CDKL3: variants seen among roughly 807,000 people sequenced by gnomAD.
The protein encoded by CDKL3 is cyclin dependent kinase like 3, also known as cyclin-dependent kinase-like 3.
A neutral mutation model predicts 69.3 loss-of-function variants in CDKL3; 65 were observed. The observed-to-expected ratio is 0.94, with a 90% CI of 0.77 to 1.15. The LOEUF (loss-of-function observed/expected upper bound fraction) is 1.15. CDKL3 is among the 50% of genes most tolerant of loss of function. CDKL3 has a pLI of 0.00. For missense variants in CDKL3, 652 were observed against 689.2 expected (o/e 0.95, Z 0.61); for synonymous variants, 202 against 221.6 (o/e 0.91, Z 0.79).
intron 3 of CDKL3, among the ~76,000 whole-genome samples, chr5:134,355,982 G>A (rs561010193): frequency 6.6e-6 from 1 of 152,188 alleles, no homozygotes; most frequent in African/African-American, 2.4e-5. Flanking sequence ...GACCAGGCTG[G>A]GGGATGGTTT....
intron 8 of CDKL3, among the ~76,000 whole-genome samples, chr5:134,290,511 T>C: frequency 6.6e-6 from 1 of 151,940 alleles, no homozygotes; most frequent in East Asian, 1.9e-4. Context: ...CTGCAGGAAT[T>C]GCAAAGGGGC....
intron 4 of CDKL3, among the ~76,000 whole-genome samples, chr5:134,327,260 T>A (rs1340405246): frequency 6.6e-6 from 1 of 152,138 alleles, no homozygotes; most frequent in Non-Finnish European, 1.5e-5. Flanking sequence ...TGCACTTGCC[T>A]CACCCATAAG....
chr5:134,312,422 G>A (rs1769812270), intron 6 of CDKL3, 42 bp from the exon 7 acceptor site: 4 of 974,630 alleles, frequency 4.1e-6, no homozygotes, highest in South Asian at 1.6e-5. Flanking sequence ...CTCTCAACAG[G>A]GCTCCATATG....
rs537068333 is a variant in CDKL3, at chr5:134,302,757, G to A, written c.1622-70C>T. On this transcript the variant is annotated intron_variant, in intron 11 of 12. Coordinates refer to ENST00000265334, the MANE Select transcript of CDKL3 (RefSeq NM_001113575.2). Reference sequence around the variant, plus strand: ...TTTGAAATTTTACTTTCCTTTCCAAGAATTTCAAATAGAAATCCACTAAGT... The same window carrying A: ...TTTGAAATTTTACTTTCCTTTCCAAAAATTTCAAATAGAAATCCACTAAGT... The A allele has an allele frequency of 4.3e-4, 329 of 762,216 alleles. 2 individuals carry two copies. Among genetic ancestry groups the A allele is most frequent in the Non-Finnish European group, 4.4e-4 (205 of 469,756 alleles). 47.2% of individuals were successfully genotyped at this position (762,216 alleles called of 1,614,324 possible). A position where few individuals can be genotyped will look rare whatever the true frequency, so the allele number is the denominator to read the frequency against.
Position 134,359,948 on chromosome 5 carries a change from T to G in CDKL3, c.309A>C (p.Arg103Ser), listed in dbSNP as rs1755614389. 6.3e-7 allele frequency: 1 copy of G among 1,586,944 alleles called. No homozygotes were observed. The highest frequency in any genetic ancestry group is 2.3e-5 in the East Asian group (1 of 44,336). The change falls in exon 3 of 13, where the codon AGA (arginine) becomes AGC (serine). Residue 103 changes from arginine (R) to serine (S), a missense_variant. By Grantham distance (110) the Arg-to-Ser change is moderately radical. Coordinates refer to ENST00000265334, the MANE Select transcript of CDKL3 (RefSeq NM_001113575.2). ...YCHGLESKRL[R>S]KYLFQILRAI... ...CTCGAAGGATCTGGAAGAGGTATTTTCTAAGTCGCTTACTCTCTAGTCCAT... is the reference window on the plus strand; with the variant it reads ...CTCGAAGGATCTGGAAGAGGTATTTGCTAAGTCGCTTACTCTCTAGTCCAT...
upstream of CDKL3, among the ~76,000 whole-genome samples, chr5:134,368,729 A>C (rs115387161): frequency 5.9e-3 from 905 of 152,126 alleles, 6 homozygotes; most frequent in African/African-American, 0.02. Context: ...TGGTGTAAGC[A>C]TATTATTTGT....
intron 12 of CDKL3, among the ~76,000 whole-genome samples, chr5:134,301,718 A>G (rs987439494): frequency 2.0e-5 from 3 of 152,136 alleles, no homozygotes; most frequent in East Asian, 1.9e-4. Context: ...CGTCTCTACT[A>G]AAAATATTTT....
chr5:134,337,178 G>C (rs1424930007), intron 4 of CDKL3, among the ~76,000 whole-genome samples: 1 of 152,184 alleles, frequency 6.6e-6, no homozygotes, highest in Non-Finnish European at 1.5e-5. Context: ...AGAATCTCCT[G>C]GTCTGACAGT....
chr5:134,348,090 T>C (rs1752387880), intron 4 of CDKL3, among the ~76,000 whole-genome samples: 1 of 152,138 alleles, frequency 6.6e-6, no homozygotes, highest in Non-Finnish European at 1.5e-5. Context: ...AAAACTTCTT[T>C]AAAATGCAAG....
chr5:134,293,137 C>T (rs946120213), intron 8 of CDKL3, among the ~76,000 whole-genome samples: 2 of 149,182 alleles, frequency 1.3e-5, no homozygotes, highest in Middle Eastern at 6.4e-3. Flanking sequence ...TCTCCTGCCT[C>T]AGCCTCCCAG....
chr5:134,307,121 G>A (rs1364244997), intron 9 of CDKL3, among the ~76,000 whole-genome samples: 1 of 152,122 alleles, frequency 6.6e-6, no homozygotes, highest in South Asian at 2.1e-4. Flanking sequence ...TTTGAACACT[G>A]AGTACCAAAA....
rs1414096273 is a variant in CDKL3 at position 134,306,674 on chromosome 5, T to C, written c.1393A>G (p.Thr465Ala). 1.9e-6 allele frequency: 3 copies of C among 1,573,174 alleles called. No individual in the cohort carries two copies. The highest frequency in any genetic ancestry group is 1.2e-5 in the South Asian group (1 of 84,380). Residue 465 changes from threonine (T) to alanine (A), a missense_variant, in exon 10 of 13, where the codon ACT becomes GCT. Transcript: ENST00000265334. Reference protein sequence around the residue: ...RLTERAKKRRTSSQSIGQVMP... With the variant: ...RLTERAKKRRASSQSIGQVMP... ...ACTTGTCCAATAGATTGTGAAGAAG[T>C]GCGTCTCTTTTTTGCTCTTTCAGTT...
chr5:134,344,381 T>G (rs1751283772), intron 4 of CDKL3, among the ~76,000 whole-genome samples: 1 of 152,130 alleles, frequency 6.6e-6, no homozygotes, highest in Admixed American at 6.5e-5. Context: ...AGAACATACT[T>G]GTAAATCACA....
At chr5:134,363,026 A>C (rs1489523419) in intron 2 of CDKL3, among the ~76,000 whole-genome samples, 1 of 152,188 alleles carries the variant, frequency 6.6e-6, no homozygotes, top group Admixed American at 6.6e-5. Context: ...ACACATATTC[A>C]AGTTCATCTC....
At chr5:134,295,001 A>ATTTT (rs1171203504), downstream of CDKL3, among the ~76,000 whole-genome samples, 4 of 131,776 alleles carry the variant, frequency 3.0e-5, no homozygotes, top group African/African-American at 8.5e-5. Context: ...GGAAGACTTG[A>ATTTT]TTTTTTTTTC....
intron 5 of CDKL3, among the ~76,000 whole-genome samples, chr5:134,321,069 C>T (rs544451735): frequency 7.5e-6 from 1 of 133,780 alleles, no homozygotes; most frequent in Non-Finnish European, 1.5e-5. Flanking sequence ...AGTGCAGTGG[C>T]GTGATCGTGG....
downstream of CDKL3, among the ~76,000 whole-genome samples, chr5:134,293,621 C>A (rs972219689): frequency 5.3e-5 from 8 of 151,712 alleles, no homozygotes; most frequent in Non-Finnish European, 1.2e-4. Context: ...CATAGCAAGA[C>A]CCTGACTCTA....
chr5:134,330,523 T>A (rs996983096), intron 4 of CDKL3, among the ~76,000 whole-genome samples: 1 of 152,132 alleles, frequency 6.6e-6, no homozygotes, highest in Non-Finnish European at 1.5e-5. Context: ...GAGACCAGCC[T>A]GGACAACATG....
At chr5:134,287,768 A>G (rs1764933876) in intron 8 of CDKL3, among the ~76,000 whole-genome samples, 1 of 152,094 alleles carries the variant, frequency 6.6e-6, no homozygotes, top group African/African-American at 2.4e-5. Flanking sequence ...TGCCTTTGAA[A>G]TTTTGTGTTT....
Sources: allele counts gnomAD v4.1 joint callset (sites outside exome capture counted in the v4.1 genomes callset), GRCh38; gene constraint gnomAD v4.1.1; transcripts MANE v1.5; gene names NCBI Gene and HGNC (gene_info 2026-07-23, HGNC 2026-07-21).